Variants in CRABP2 observed in about 807,000 individuals in gnomAD.
The protein encoded by CRABP2 is cellular retinoic acid-binding protein 2.
In CRABP2, 20 loss-of-function variants were observed where a neutral mutation model predicts 17.9. The ratio of observed to expected loss-of-function variants is 1.12; its 90% confidence interval spans 0.79 to 1.63. CRABP2 has a LOEUF of 1.63. Ranked by LOEUF, CRABP2 falls within the 40% of genes most tolerant of loss-of-function variation. The pLI, the probability that CRABP2 is intolerant of heterozygous loss-of-function variation, is 0.00. For synonymous variants in CRABP2, 76 were observed against 66.4 expected (o/e 1.14, Z -0.70); for missense variants, 151 against 168.6 (o/e 0.90, Z 0.58).
Position 156,701,496 on chromosome 1 carries a change from A to T in CRABP2, c.71-444T>A, listed in dbSNP as rs549318155. 5.3e-5 allele frequency among the ~76,000 whole-genome samples: 8 copies of T among 152,204 alleles called. No individual in the cohort carries two copies. The South Asian group carries it at 1.7e-3, about 32-fold the overall frequency. ...GTCTACCCTGTTGACAGCTCATCAG[A>T]GTCACTGGGACTGTACCCCTGGCCA... On this transcript the variant is annotated intron_variant, in intron 1 of 3. Coordinates refer to ENST00000368222, the MANE Select transcript of CRABP2 (RefSeq NM_001878.4).
Position 156,705,453 on chromosome 1 carries a change from G to A in CRABP2, c.-7C>T, listed in dbSNP as rs780773653. ...TGCCAGAGAAGTTGGGCATGGTGGC[G>A]GCGCGGGAGGCGGTCCCCGTAGACT... On this transcript the variant is annotated 5_prime_UTR_variant, in exon 1 of 4. Transcript: ENST00000368222. This position sits in a 1 kb window ranked among gnomAD's most constrained non-coding sequence, Gnocchi z 5.2. 1.2e-6 allele frequency: 2 copies of A among 1,614,036 alleles called. No homozygotes were observed. The highest frequency in any genetic ancestry group is 2.2e-5 in the East Asian group (1 of 44,880).
At chr1:156,701,590 C>T (rs1207688495) in intron 1 of CRABP2, among the ~76,000 whole-genome samples, 1 of 152,112 alleles carries the variant, frequency 6.6e-6, no homozygotes, top group Non-Finnish European at 1.5e-5. Context: ...CCCTATCTAC[C>T]CACCGTATCT....
chr1:156,700,031 C>G lies in CRABP2; in HGVS notation c.412G>C (p.Glu138Gln), dbSNP rs757917252. Residue 138 changes from glutamate (E) to glutamine (Q), a missense_variant, in exon 4 of 4, where the codon GAG becomes CAG. Glu to Gln is a conservative substitution (Grantham distance 29). Coordinates refer to ENST00000368222, the MANE Select transcript of CRABP2 (RefSeq NM_001878.4). ...GCGGTTCTACCTGTGGCCACTCACTCTCGGACGTAGACCCTGGTGCACACA... is the reference window on the plus strand; with the variant it reads ...GCGGTTCTACCTGTGGCCACTCACTGTCGGACGTAGACCCTGGTGCACACA... The part of the protein sequence containing the change: ...DVVCTRVYVR[E>Q] 3.1e-6 allele frequency: 5 copies of G among 1,613,276 alleles called. No homozygotes were observed. Among genetic ancestry groups the G allele is most frequent in the Admixed American group, 1.7e-5 (1 of 59,948 alleles).
At chr1:156,705,740 T>G, upstream of CRABP2, 2 of 387,846 alleles carry the variant, frequency 5.2e-6, no homozygotes, top group East Asian at 4.0e-5. This position sits in a 1 kb window ranked among gnomAD's most constrained non-coding sequence, Gnocchi z 5.2. Flanking sequence ...GGGTCCAGGC[T>G]TCTCTGGGGA....
intron 1 of CRABP2, among the ~76,000 whole-genome samples, chr1:156,703,213 A>T (rs1320903130): frequency 6.6e-6 from 1 of 152,032 alleles, no homozygotes; most frequent in African/African-American, 2.4e-5. Context: ...TGTGTGATGT[A>T]TCCCCTTCTT....
chr1:156,700,727 GAGAGC>G, intron 2 of CRABP2, 69 bp from the exon 3 acceptor site: 2 of 1,526,746 alleles, frequency 1.3e-6, no homozygotes, highest in Non-Finnish European at 9.1e-7. Flanking sequence ...GGATAAGGGA[GAGAGC>G]CCCTTTCTAG....
Position 156,699,932 on chromosome 1 carries a change from T to A in CRABP2, c.*94A>T. The A allele has an allele frequency of 7.5e-7, 1 of 1,324,560 alleles. No individual in the cohort carries two copies. Among genetic ancestry groups the A allele is most frequent in the Admixed American group, 2.0e-5 (1 of 49,744 alleles). The allele number at this position is 1,324,560 out of a possible 1,614,324, so 82.1% of individuals were successfully genotyped here. A position where few individuals can be genotyped will look rare whatever the true frequency, so the allele number is the denominator to read the frequency against. On this transcript the variant is annotated 3_prime_UTR_variant, in exon 4 of 4. Transcript: ENST00000368222. Reference sequence around the variant, plus strand: ...AGTGACTGGGGTAAGGGGAGCGCTATCCTAGAAGGAGGGGGTGGGACGGAG... The same window carrying A: ...AGTGACTGGGGTAAGGGGAGCGCTAACCTAGAAGGAGGGGGTGGGACGGAG...
At chr1:156,701,228 C>A (rs936459123) in intron 1 of CRABP2, among the ~76,000 whole-genome samples, 176 bp from the exon 2 acceptor site, 1 of 152,038 alleles carries the variant, frequency 6.6e-6, no homozygotes, top group Non-Finnish European at 1.5e-5. Context: ...AGACGGTAGG[C>A]GGTGCAGCCC....
chr1:156,700,147 A>G (rs1479729140), intron 3 of CRABP2, 71 bp from the exon 4 acceptor site: 13 of 1,510,636 alleles, frequency 8.6e-6, no homozygotes, highest in Non-Finnish European at 1.2e-5. Context: ...GGAGGGTTGA[A>G]TGGAGGTACT....
At chr1:156,700,376 G>A (rs1448539482) in intron 3 of CRABP2, among the ~76,000 whole-genome samples, 166 bp downstream of exon 3, 1 of 152,080 alleles carries the variant, frequency 6.6e-6, no homozygotes, top group Non-Finnish European at 1.5e-5. Context: ...ATTCACACAG[G>A]GCACTGTATG....
chr1:156,700,982 C>T lies in CRABP2; in HGVS notation c.141G>A (p.Glu47=), dbSNP rs141100657. ...AGGTTTTGATGTAGAAAGTGTCTCC[C>T]TCCTGTTTGATCTCCACTGCTGGCT... is the stretch of plus-strand genomic sequence containing the variant. The part of the protein sequence containing the change: ...ASKPAVEIKQ[E]GDTFYIKTST... The change falls in exon 2 of 4, where the codon GAG becomes GAA. Residue 47 remains glutamate (E), a synonymous_variant. Transcript: ENST00000368222. 450 of 1,614,186 alleles carry T rather than the reference C, an allele frequency of 2.8e-4. 2 individuals are homozygous for T. In the African/African-American group the frequency reaches 5.3e-3, roughly 19 times the overall value.
chr1:156,701,231 T>G (rs965556500), intron 1 of CRABP2, among the ~76,000 whole-genome samples, 179 bp from the exon 2 acceptor site: 3 of 152,048 alleles, frequency 2.0e-5, no homozygotes, highest in Non-Finnish European at 4.4e-5. Flanking sequence ...CGGTAGGCGG[T>G]GCAGCCCTGA....
intron 1 of CRABP2, among the ~76,000 whole-genome samples, chr1:156,704,690 G>C (rs1648142963): frequency 6.6e-6 from 1 of 152,184 alleles, no homozygotes; most frequent in African/African-American, 2.4e-5. Flanking sequence ...TGTGGGATTG[G>C]GGTTTCACAC....
At chr1:156,705,757 T>G, upstream of CRABP2, 4 of 333,372 alleles carry the variant, frequency 1.2e-5, no homozygotes, top group Non-Finnish European at 5.6e-6. The surrounding 1 kb of genome is among the most constrained non-coding windows in gnomAD (Gnocchi z 5.2). Flanking sequence ...GGGACCGAGA[T>G]AGCCTTCTCC....
chr1:156,700,523 G>A lies in CRABP2; in HGVS notation c.366+19C>T. ...GGTAGCACTGGGTTTGCTATTAGTG[G>A]GGAGGAGGCAGGACTTACCAGGATC... On this transcript the variant is annotated intron_variant, in intron 3 of 3. Transcript: ENST00000368222. The A allele has an allele frequency of 1.3e-6, 2 of 1,585,842 alleles. No individual in the cohort carries two copies. Among genetic ancestry groups the A allele is most frequent in the Non-Finnish European group, 8.7e-7 (1 of 1,154,192 alleles).
rs1169361751 is a variant in CRABP2 at position 156,705,477 on chromosome 1, C to T, written c.-31G>A. ...CGGCGCGGGAGGCGGTCCCCGTAGACTCCTAGGCTGGAGCACTGGACACTG... is the reference window on the plus strand; with the variant it reads ...CGGCGCGGGAGGCGGTCCCCGTAGATTCCTAGGCTGGAGCACTGGACACTG... On this transcript the variant is annotated 5_prime_UTR_variant, in exon 1 of 4. Transcript: ENST00000368222. The surrounding 1 kb of genome is among the most constrained non-coding windows in gnomAD (Gnocchi z 5.2). 1.9e-6 allele frequency: 3 copies of T among 1,612,068 alleles called. No individual in the cohort carries two copies. The highest frequency in any genetic ancestry group is 2.5e-6 in the Non-Finnish European group (3 of 1,178,438).
intron 1 of CRABP2, among the ~76,000 whole-genome samples, chr1:156,702,377 A>C (rs1648062175): frequency 6.6e-6 from 1 of 151,918 alleles, no homozygotes; most frequent in South Asian, 2.1e-4. Context: ...GAATCACTTG[A>C]ATCCGGGAGG....
intron 1 of CRABP2, among the ~76,000 whole-genome samples, chr1:156,701,287 C>G (rs1486153705): frequency 6.6e-6 from 1 of 152,084 alleles, no homozygotes; most frequent in Non-Finnish European, 1.5e-5. Flanking sequence ...CAGTGGCCTG[C>G]CCCTGGGAGT....
chr1:156,705,754 A>C, upstream of CRABP2: 1 of 350,538 alleles, frequency 2.9e-6, no homozygotes, highest in Admixed American at 4.0e-5. The surrounding 1 kb of genome is among the most constrained non-coding windows in gnomAD (Gnocchi z 5.2). Flanking sequence ...CTGGGGACCG[A>C]GATAGCCTTC....
Sources: allele counts gnomAD v4.1 joint callset (sites outside exome capture counted in the v4.1 genomes callset), GRCh38; gene constraint gnomAD v4.1.1; non-coding constraint Gnocchi (gnomAD v3.1); transcripts MANE v1.5; gene names NCBI Gene and HGNC (gene_info 2026-07-23, HGNC 2026-07-21).